The following SLC16A2 variants were observed in gnomAD, a reference collection of about 807,000 sequenced individuals.
The protein encoded by SLC16A2 is solute carrier family 16 member 2, also known as monocarboxylate transporter 8.
In SLC16A2, 3 loss-of-function variants were observed where a neutral mutation model predicts 27.2. The ratio of observed to expected loss-of-function variants is 0.11; its 90% CI spans 0.05 to 0.28. SLC16A2 has a LOEUF of 0.28. SLC16A2 is among the 10% of genes least tolerant of loss of function. The probability of loss-of-function intolerance (pLI) is 1.00; values close to 1 mark genes in which losing one functional copy is unlikely to be tolerated. For synonymous variants in SLC16A2, 202 were observed against 187.8 expected (o/e 1.08, Z -0.62); for missense variants, 295 against 458.5 (o/e 0.64, Z 3.26).
intron 1 of SLC16A2, among the ~76,000 whole-genome samples, chrX:74,436,803 T>C (rs1192520622): frequency 8.9e-6 from 1 of 111,905 alleles, no homozygotes; most frequent in Non-Finnish European, 1.9e-5. Context: ...CTTATCAAGG[T>C]ACCTTCTAGG....
intron 1 of SLC16A2, among the ~76,000 whole-genome samples, chrX:74,485,748 C>T (rs1011195367): frequency 1.8e-5 from 2 of 110,522 alleles, no homozygotes; most frequent in Middle Eastern, 4.6e-3. Flanking sequence ...AGGATGAACC[C>T]GAGCACTTAG....
intron 1 of SLC16A2, among the ~76,000 whole-genome samples, chrX:74,422,618 C>T (rs1013553103): frequency 9.0e-6 from 1 of 111,434 alleles, no homozygotes; most frequent in Non-Finnish European, 1.9e-5. Context: ...AAACACATGG[C>T]AGGCGTGCGT....
intron 1 of SLC16A2, among the ~76,000 whole-genome samples, chrX:74,504,007 C>T (rs1930080779): frequency 8.9e-6 from 1 of 112,321 alleles, no homozygotes; most frequent in Admixed American, 9.4e-5. Flanking sequence ...ATAGTAAGTG[C>T]TAAGTAAGTG....
intron 1 of SLC16A2, among the ~76,000 whole-genome samples, chrX:74,459,962 G>A: frequency 9.0e-6 from 1 of 111,643 alleles, no homozygotes; most frequent in Non-Finnish European, 1.9e-5. Context: ...AAAGAGCCAA[G>A]ACTCAAGGTG....
At chrX:74,432,703 A>G (rs770304320) in intron 1 of SLC16A2, among the ~76,000 whole-genome samples, 4 of 111,834 alleles carry the variant, frequency 3.6e-5, no homozygotes, top group Admixed American at 9.5e-5. Context: ...TTTAATCAGC[A>G]TTGTGAGTAG....
chrX:74,422,079 C>G lies in SLC16A2; in HGVS notation c.430+12C>G. 8.3e-7 allele frequency: 1 copy of G among 1,204,352 alleles called. No homozygotes were observed. On this transcript the variant is annotated intron_variant, in intron 1 of 5. Transcript: ENST00000587091. ...GGAGTTCCAAGCAGGTGAGTGGCCC[C>G]GCACGCCCCACTTGGCATTTTGGGC...
chrX:74,440,417 G>GTGTA (rs1400712926), intron 1 of SLC16A2, among the ~76,000 whole-genome samples: 4 of 110,577 alleles, frequency 3.6e-5, no homozygotes, highest in Non-Finnish European at 7.6e-5. Context: ...GTTTGTGTGT[G>GTGTA]TGTATGTGTG....
chrX:74,479,714 C>T (rs1929573543), intron 1 of SLC16A2, among the ~76,000 whole-genome samples: 1 of 112,389 alleles, frequency 8.9e-6, no homozygotes, highest in Non-Finnish European at 1.9e-5. Context: ...TCAGGACCCT[C>T]AGCTGCAGGT....
At chrX:74,475,501 A>T (rs1602121769) in intron 1 of SLC16A2, among the ~76,000 whole-genome samples, 1 of 108,867 alleles carries the variant, frequency 9.2e-6, no homozygotes, top group Non-Finnish European at 1.9e-5. Flanking sequence ...CCCATTTGTC[A>T]ATTTTGGCTT....
At chrX:74,456,627 C>T (rs1032857330) in intron 1 of SLC16A2, among the ~76,000 whole-genome samples, 1 of 112,060 alleles carries the variant, frequency 8.9e-6, no homozygotes, top group African/African-American at 3.2e-5. Flanking sequence ...TGGGTACTGC[C>T]CCTGCTTCAT....
intron 1 of SLC16A2, among the ~76,000 whole-genome samples, chrX:74,503,115 T>C (rs1478400664): frequency 9.1e-6 from 1 of 109,541 alleles, no homozygotes; most frequent in African/African-American, 3.3e-5. Flanking sequence ...ACAGAGCCTC[T>C]ACAAGAAGAC....
intron 1 of SLC16A2, among the ~76,000 whole-genome samples, chrX:74,440,578 C>A (rs1928725922): frequency 2.0e-5 from 2 of 101,391 alleles, no homozygotes. Context: ...GAGCTCTTAG[C>A]CAAGCGTGTT....
chrX:74,476,916 C>T (rs947879669), intron 1 of SLC16A2: 3 of 111,821 alleles, frequency 2.7e-5, no homozygotes. Context: ...CGATGTTCAT[C>T]AAGGATATTG....
At chrX:74,500,837 C>A (rs1478281605) in intron 1 of SLC16A2, among the ~76,000 whole-genome samples, 1 of 110,792 alleles carries the variant, frequency 9.0e-6, no homozygotes, top group African/African-American at 3.3e-5. Context: ...AAGTAAGGTT[C>A]TTTTAATAAT....
chrX:74,472,232 A>G (rs2147852603), intron 1 of SLC16A2, among the ~76,000 whole-genome samples: 1 of 111,481 alleles, frequency 9.0e-6, no homozygotes, highest in South Asian at 3.7e-4. Flanking sequence ...CAATTTATCT[A>G]GTGTTTTTTT....
intron 1 of SLC16A2, among the ~76,000 whole-genome samples, chrX:74,461,527 T>A (rs1419857194): frequency 9.1e-6 from 1 of 109,503 alleles, no homozygotes; most frequent in East Asian, 2.9e-4. Context: ...AGAGAGAGGG[T>A]GAAAGAAAGA....
chrX:74,489,128 G>T (rs993092461), intron 1 of SLC16A2, among the ~76,000 whole-genome samples: 2 of 111,173 alleles, frequency 1.8e-5, no homozygotes, highest in Non-Finnish European at 3.8e-5. Flanking sequence ...GTTACTTCCC[G>T]GTTAACCATT....
chrX:74,524,143 T>C (rs543168956), intron 2 of SLC16A2, among the ~76,000 whole-genome samples: 8 of 111,765 alleles, frequency 7.2e-5, no homozygotes, highest in African/African-American at 2.6e-4. Context: ...CCCAGTTATG[T>C]TACCTTGGGC....
chrX:74,482,110 A>T (rs757617925), intron 1 of SLC16A2, among the ~76,000 whole-genome samples: 1 of 111,231 alleles, frequency 9.0e-6, no homozygotes, highest in Non-Finnish European at 1.9e-5. Flanking sequence ...ATCATTTTGA[A>T]TATGTCATTC....
Sources: gnomAD v4.1 joint callset for allele counts (sites outside exome capture counted in the v4.1 genomes callset) on GRCh38, gnomAD v4.1.1 for gene constraint, MANE v1.5 for transcripts, NCBI Gene and HGNC (gene_info 2026-07-23, HGNC 2026-07-21) for gene names.